The following ACAN variants were observed in gnomAD, a reference collection of about 807,000 sequenced individuals.
ACAN encodes the protein aggrecan core protein.
Under a neutral mutation model 169.1 loss-of-function variants are expected in ACAN, and 47 were observed. The ratio of observed to expected loss-of-function variants is 0.28; its 90% CI spans 0.22 to 0.35. ACAN has a LOEUF of 0.35. Among genes scored for constraint, ACAN ranks in the 10% least tolerant of loss-of-function variants. The pLI is 1.00. For missense variants in ACAN, 2,716 were observed against 2,759.9 expected (o/e 0.98, Z 0.36); for synonymous variants, 1,115 against 1,112.2 (o/e 1.00, Z -0.05).
chr15:88,834,787 T>C (rs1443666078), intron 1 of ACAN, among the ~76,000 whole-genome samples: 1 of 152,088 alleles, frequency 6.6e-6, no homozygotes, highest in Non-Finnish European at 1.5e-5. Context: ...AGGCCAGCGG[T>C]GCTCCATCTT....
chr15:88,805,160 T>C (rs1411087284), intron 1 of ACAN, among the ~76,000 whole-genome samples: 1 of 152,180 alleles, frequency 6.6e-6, no homozygotes, highest in Admixed American at 6.5e-5. Flanking sequence ...TTTCTTGTCC[T>C]GGGTTGCCAT....
rs1372783911 is a variant in ACAN, at chr15:88,872,361, G to A, written c.7302+276G>A. On this transcript the variant is annotated intron_variant, in intron 16 of 18. Coordinates refer to ENST00000560601, the MANE Select transcript of ACAN (RefSeq NM_001369268.1). This position sits in a 1 kb window ranked among gnomAD's most constrained non-coding sequence, Gnocchi z 5.4. ...AGGAGTATACGGAAGCTTTAGAGAG[G>A]TTTCTTGCCCACACTGAACTCGAGT... Among the ~76,000 whole-genome samples the A allele has an allele frequency of 6.6e-6, 1 of 152,176 alleles. No homozygotes were observed.
chr15:88,851,658 G>A lies in ACAN; in HGVS notation c.2027-136G>A. 1 of 1,065,416 alleles carries A rather than the reference G, an allele frequency of 9.4e-7. No homozygotes were observed. The highest frequency in any genetic ancestry group is 1.3e-6 in the Non-Finnish European group (1 of 757,152). The allele number at this position is 1,065,416 out of a possible 1,614,324, so 66.0% of individuals were successfully genotyped here. A position where few individuals can be genotyped will look rare whatever the true frequency, so the allele number is the denominator to read the frequency against. On this transcript the variant is annotated intron_variant, in intron 10 of 18. Coordinates refer to ENST00000560601, the MANE Select transcript of ACAN (RefSeq NM_001369268.1). The surrounding 1 kb of genome is among the most constrained non-coding windows in gnomAD (Gnocchi z 4.3). ...GCCGATGGCTCTTACTAAGCGAGAA[G>A]GCAAACAGCCATCTGCTGAACTAGG...
At chr15:88,848,263 T>C (rs1379786305) in intron 9 of ACAN, among the ~76,000 whole-genome samples, 1 of 152,192 alleles carries the variant, frequency 6.6e-6, no homozygotes, top group Non-Finnish European at 1.5e-5. Context: ...CCTCCAGCAT[T>C]GCAGGGGAGC....
intron 1 of ACAN, among the ~76,000 whole-genome samples, chr15:88,834,026 C>T (rs577982397): frequency 6.6e-6 from 1 of 152,322 alleles, no homozygotes; most frequent in Non-Finnish European, 1.5e-5. Flanking sequence ...ACTTTGCCCT[C>T]TGCCTTCTGG....
rs758341169 is a variant in ACAN, at chr15:88,871,387, G to A, written c.7066G>A (p.Glu2356Lys). ...YEGDLCEIDQ[E>K]VCEEGWNKYQ... ...GCCCCTGACCTGTGTTGCAGACCAGGAGGTATGTGAGGAGGGCTGGAACAA... is the reference window on the plus strand; with the variant it reads ...GCCCCTGACCTGTGTTGCAGACCAGAAGGTATGTGAGGAGGGCTGGAACAA... Residue 2356 changes from glutamate to lysine, a missense_variant, in exon 15 of 19, where the codon GAG (glutamate) becomes AAG (lysine). Physicochemically the swap from Glu to Lys is moderately conservative, Grantham distance 56. This residue lies in a region of ACAN where 1,389 missense variants were observed against 1,363.7 expected (regional missense o/e 1.02). Coordinates refer to ENST00000560601, the MANE Select transcript of ACAN (RefSeq NM_001369268.1). This position sits in a 1 kb window ranked among gnomAD's most constrained non-coding sequence, Gnocchi z 7.8. 1 of 1,613,886 alleles carries A rather than the reference G, an allele frequency of 6.2e-7. No individual in the cohort carries two copies. Among genetic ancestry groups the A allele is most frequent in the South Asian group, 1.1e-5 (1 of 91,084 alleles).
rs1216431760 is a variant in ACAN at position 88,874,164 on chromosome 15, C to G, written c.7630+140C>G. 1.6e-6 allele frequency: 2 copies of G among 1,226,204 alleles called. No homozygotes were observed. Among genetic ancestry groups the G allele is most frequent in the East Asian group, 5.1e-5 (2 of 39,466 alleles). 76.0% of individuals were successfully genotyped at this position (1,226,204 alleles called of 1,614,324 possible). On this transcript the variant is annotated intron_variant, in intron 18 of 18. Transcript: ENST00000560601. The surrounding 1 kb of genome is among the most constrained non-coding windows in gnomAD (Gnocchi z 7.3). ...GGGAGGTCGGGGGGCTGCTCAGTCA[C>G]AAATAGCTGACCACTGCCCTTAGAA...
chr15:88,804,975 C>G (rs150851532), intron 1 of ACAN, among the ~76,000 whole-genome samples: 1 of 152,202 alleles, frequency 6.6e-6, no homozygotes, highest in African/African-American at 2.4e-5. Context: ...GAAAATTCAC[C>G]CACCTCGTCT....
At chr15:88,860,554 G>A (rs1025682930) in intron 13 of ACAN, 115 bp downstream of exon 13, 1 of 726,262 alleles carries the variant, frequency 1.4e-6, no homozygotes, top group Non-Finnish European at 2.3e-6. Flanking sequence ...GGCTCAGGCT[G>A]GGAAGGAGCT....
At chr15:88,848,240 T>G (rs1896844194) in intron 9 of ACAN, among the ~76,000 whole-genome samples, 1 of 152,116 alleles carries the variant, frequency 6.6e-6, no homozygotes, top group Admixed American at 6.5e-5. Context: ...CTACTGAATG[T>G]TTCATGTGGT....
intron 1 of ACAN, among the ~76,000 whole-genome samples, chr15:88,827,251 G>C (rs567128143): frequency 6.6e-6 from 1 of 152,176 alleles, no homozygotes; most frequent in Admixed American, 6.5e-5. Context: ...GGCAGATTAG[G>C]CTCTTCCTTT....
Position 88,855,272 on chromosome 15 carries a change from C to G in ACAN, c.2687C>G (p.Ser896Cys). Residue 896 changes from serine to cysteine, a missense_variant, in exon 12 of 19, where the codon TCT becomes TGT. This residue lies in a region of ACAN where 1,283 missense variants were observed against 1,281.5 expected (regional missense o/e 1.00). Transcript: ENST00000560601. ...GGGGACAGGGCAAGTGGACTGCCCT[C>G]TGGAGACCTGGACTCCAGTGGTCTT... Reference protein sequence around the residue: ...LSGDRASGLPSGDLDSSGLTS... With the variant: ...LSGDRASGLPCGDLDSSGLTS... 6.2e-7 allele frequency: 1 copy of G among 1,610,378 alleles called. No individual in the cohort carries two copies. Among genetic ancestry groups the G allele is most frequent in the Non-Finnish European group, 8.5e-7 (1 of 1,177,268 alleles).
intron 1 of ACAN, among the ~76,000 whole-genome samples, chr15:88,825,039 A>G (rs766857462): frequency 1.3e-5 from 2 of 152,212 alleles, no homozygotes; most frequent in Non-Finnish European, 2.9e-5. Flanking sequence ...TGCTGGAAGA[A>G]GAAAGAGCAA....
At position 88,875,325 on chromosome 15, in the gene ACAN, T is replaced by TATA. The variant is rs749706488; in HGVS notation, c.*855_*857dup. On this transcript the variant is annotated 3_prime_UTR_variant, in exon 19 of 19. Transcript: ENST00000560601. The surrounding 1 kb of genome is among the most constrained non-coding windows in gnomAD (Gnocchi z 4.8). ...TTTTGAAAACTGAAGATTATAATAT[T>TATA]ATAATAATAATAAAGACATTGGAAG... 1 of 152,142 alleles carries TATA rather than the reference T, an allele frequency of 6.6e-6. No individual in the cohort carries two copies. Among genetic ancestry groups the TATA allele is most frequent in the African/African-American group, 2.4e-5 (1 of 41,356 alleles). The allele number at this position is 152,142 out of a possible 1,614,324, so 9.4% of individuals were successfully genotyped here. A position where few individuals can be genotyped will look rare whatever the true frequency, so the allele number is the denominator to read the frequency against.
Position 88,838,844 on chromosome 15 carries a change from A to T in ACAN, c.252A>T (p.Val84=). ...GCCGTGTGTCCAAGGAGAAGGAGGT[A>T]GTGCTGCTGGTGGCCACTGAAGGGC... ...KWSRVSKEKE[V]VLLVATEGRV... is the part of the protein sequence containing the mutation. Residue 84 remains valine, a synonymous_variant, in exon 3 of 19, where the codon GTA becomes GTT. Transcript: ENST00000560601. This position sits in a 1 kb window ranked among gnomAD's most constrained non-coding sequence, Gnocchi z 5.1. 1 of 1,614,032 alleles carries T rather than the reference A, an allele frequency of 6.2e-7. No individual in the cohort carries two copies. Among genetic ancestry groups the T allele is most frequent in the Non-Finnish European group, 8.5e-7 (1 of 1,179,898 alleles).
intron 1 of ACAN, among the ~76,000 whole-genome samples, chr15:88,819,221 G>GA (rs1379078989): frequency 6.6e-6 from 1 of 152,170 alleles, no homozygotes; most frequent in African/African-American, 2.4e-5. Flanking sequence ...AAGTGTCGGG[G>GA]GGCAACATCA....
At position 88,838,603 on chromosome 15, in the gene ACAN, G is replaced by A; in HGVS notation, c.71-60G>A. On this transcript the variant is annotated intron_variant, in intron 2 of 18. Coordinates refer to ENST00000560601, the MANE Select transcript of ACAN (RefSeq NM_001369268.1). The surrounding 1 kb of genome is among the most constrained non-coding windows in gnomAD (Gnocchi z 5.1). ...CATTGCTGGAAGGATGGATGGGGAG[G>A]CGGGGTGGTCCTCTCTAGGCACTAA... The A allele has an allele frequency of 2.0e-6, 3 of 1,519,602 alleles. No homozygotes were observed. The highest frequency in any genetic ancestry group is 2.7e-6 in the Non-Finnish European group (3 of 1,129,756). 94.1% of individuals were successfully genotyped at this position (1,519,602 alleles called of 1,614,324 possible).
intron 1 of ACAN, among the ~76,000 whole-genome samples, chr15:88,816,707 A>G (rs1000841660): frequency 2.6e-5 from 4 of 152,330 alleles, no homozygotes; most frequent in Admixed American, 2.6e-4. Context: ...ACATACCCTG[A>G]TATCTACCAT....
chr15:88,860,572 G>C (rs1897175565), intron 13 of ACAN, 133 bp downstream of exon 13: 2 of 663,230 alleles, frequency 3.0e-6, no homozygotes, highest in African/African-American at 3.6e-5. Flanking sequence ...GCTGCATGAT[G>C]ACATGTCAGG....
Sources: allele counts gnomAD v4.1 joint callset (sites outside exome capture counted in the v4.1 genomes callset), GRCh38; gene constraint gnomAD v4.1.1; regional missense constraint gnomAD v4.1.1; non-coding constraint Gnocchi (gnomAD v3.1); transcripts MANE v1.5; gene names NCBI Gene and HGNC (gene_info 2026-07-23, HGNC 2026-07-21).